Variants in NCALD observed in about 807,000 individuals in gnomAD.
NCALD encodes neurocalcin-delta.
A neutral mutation model predicts 18.6 loss-of-function variants in NCALD; 10 were observed. The observed-to-expected ratio is 0.54, with a 90% CI of 0.33 to 0.91. NCALD has a LOEUF of 0.91. NCALD is among the 40% of genes least tolerant of loss of function. The probability of loss-of-function intolerance (pLI) is 0.03; values close to 1 mark genes in which losing one functional copy is unlikely to be tolerated. For missense variants in NCALD, 184 were observed against 247.6 expected (o/e 0.74, Z 1.72); for synonymous variants, 88 against 87.4 (o/e 1.01, Z -0.04).
At chr8:102,120,706 G>T (rs1017775687) in intron 1 of NCALD, among the ~76,000 whole-genome samples, 1 of 152,168 alleles carries the variant, frequency 6.6e-6, no homozygotes, top group Admixed American at 6.5e-5. Context: ...GAATGTTGGG[G>T]TTCCTGACAC....
chr8:101,818,736 C>T (rs1024693723), intron 4 of NCALD, among the ~76,000 whole-genome samples: 2 of 152,026 alleles, frequency 1.3e-5, no homozygotes, highest in African/African-American at 4.8e-5. Flanking sequence ...CCAGACGCAG[C>T]GGCTCATGCC....
At chr8:101,904,875 T>A (rs2131581193) in intron 3 of NCALD, among the ~76,000 whole-genome samples, 1 of 152,274 alleles carries the variant, frequency 6.6e-6, no homozygotes, top group Non-Finnish European at 1.5e-5. Context: ...AACATCCTGG[T>A]GCTCCTGGGA....
At chr8:102,074,993 C>T (rs1587024226) in intron 1 of NCALD, among the ~76,000 whole-genome samples, 1 of 152,128 alleles carries the variant, frequency 6.6e-6, no homozygotes, top group East Asian at 1.9e-4. Flanking sequence ...CACCTCCATG[C>T]ATCACAGCTG....
chr8:102,038,680 T>G (rs1044659620), intron 1 of NCALD, among the ~76,000 whole-genome samples: 9 of 152,176 alleles, frequency 5.9e-5, no homozygotes, highest in Non-Finnish European at 2.9e-5. Context: ...CAATTCACTT[T>G]AGCCATGTGG....
At chr8:101,760,049 T>G (rs914856723) in intron 1 of NCALD, among the ~76,000 whole-genome samples, 1 of 152,104 alleles carries the variant, frequency 6.6e-6, no homozygotes, top group Non-Finnish European at 1.5e-5. Flanking sequence ...TGACCCAAGG[T>G]TATGGCTCCA....
chr8:102,060,684 A>C (rs1563583520), intron 1 of NCALD, among the ~76,000 whole-genome samples: 1 of 152,120 alleles, frequency 6.6e-6, no homozygotes, highest in Non-Finnish European at 1.5e-5. Context: ...AAGTACGGAA[A>C]ATTCAACAGA....
chr8:102,098,968 G>A (rs973973120), intron 1 of NCALD, among the ~76,000 whole-genome samples: 1 of 152,192 alleles, frequency 6.6e-6, no homozygotes, highest in African/African-American at 2.4e-5. Context: ...CTTGTTAATT[G>A]TGAGGGTGTT....
chr8:101,844,365 T>C (rs894958326), intron 4 of NCALD, among the ~76,000 whole-genome samples: 7 of 152,002 alleles, frequency 4.6e-5, no homozygotes, highest in African/African-American at 1.7e-4. Flanking sequence ...AATTCTTTTT[T>C]TTTTTTTTCT....
chr8:102,007,867 T>C (rs1821766252), intron 2 of NCALD, among the ~76,000 whole-genome samples: 1 of 152,194 alleles, frequency 6.6e-6, no homozygotes, highest in Non-Finnish European at 1.5e-5. Context: ...ATTTTCATGG[T>C]GGGTGTTCTG....
At chr8:101,747,535 G>A (rs1184989794) in intron 1 of NCALD, among the ~76,000 whole-genome samples, 1 of 152,120 alleles carries the variant, frequency 6.6e-6, no homozygotes, top group Non-Finnish European at 1.5e-5. Context: ...ACTTTCAGTA[G>A]TGTGAGATAG....
At chr8:101,846,257 C>G (rs1814864478) in intron 4 of NCALD, among the ~76,000 whole-genome samples, 1 of 152,050 alleles carries the variant, frequency 6.6e-6, no homozygotes, top group African/African-American at 2.4e-5. Flanking sequence ...ATACTTTTTT[C>G]CGTAATGGGT....
chr8:101,922,803 A>G (rs1818212478), intron 2 of NCALD, among the ~76,000 whole-genome samples: 1 of 152,222 alleles, frequency 6.6e-6, no homozygotes. Context: ...TTCTATACAT[A>G]CATACCTATG....
At chr8:101,985,154 G>A (rs12676770) in intron 2 of NCALD, among the ~76,000 whole-genome samples, 1,570 of 152,304 alleles carry the variant, frequency 0.01, 72 homozygotes, top group East Asian at 0.095. Flanking sequence ...CTGCGTGGAA[G>A]CCAACAAGCC....
rs201729096 is a variant in NCALD at position 101,712,587 on chromosome 8, C to CAAAAAAAA, written c.378+6657_378+6664dup. ...GAAGATTTACCAAACAAATGGAAAG[C>CAAAAAAAA]AAAAAAAAAAAAAAAAAAAAAAAAT... On this transcript the variant is annotated intron_variant, in intron 2 of 3. Coordinates refer to ENST00000220931, the MANE Select transcript of NCALD (RefSeq NM_032041.3). Among the ~76,000 whole-genome samples the CAAAAAAAA allele has an allele frequency of 6.6e-4, 52 of 78,858 alleles. 1 individual carries two copies. Among genetic ancestry groups the CAAAAAAAA allele is most frequent in the East Asian group, 4.0e-3 (10 of 2,482 alleles). 51.7% of individuals were successfully genotyped at this position (78,858 alleles called of 152,430 possible).
At chr8:101,792,203 G>T (rs1235477933), upstream of NCALD, among the ~76,000 whole-genome samples, 4 of 152,138 alleles carry the variant, frequency 2.6e-5, no homozygotes, top group Non-Finnish European at 5.9e-5. Context: ...AAAAAGAGTA[G>T]CTCTGGGGTG....
At chr8:101,864,535 G>GACA (rs2131378471) in intron 4 of NCALD, among the ~76,000 whole-genome samples, 1 of 151,006 alleles carries the variant, frequency 6.6e-6, no homozygotes, top group South Asian at 2.1e-4. Context: ...ATAAAGACTC[G>GACA]ACAAGAAAAG....
chr8:101,965,607 C>A (rs181535049), intron 2 of NCALD, among the ~76,000 whole-genome samples: 1 of 151,948 alleles, frequency 6.6e-6, no homozygotes. Flanking sequence ...CACACCAGGA[C>A]CTGTTGTGGG....
chr8:101,910,328 G>A (rs1435280907), intron 3 of NCALD, among the ~76,000 whole-genome samples: 1 of 139,118 alleles, frequency 7.2e-6, no homozygotes, highest in East Asian at 1.9e-4. Context: ...CGACATGAGA[G>A]GAGGAGGTAT....
chr8:101,923,625 C>T (rs1294467188), intron 2 of NCALD, among the ~76,000 whole-genome samples: 1 of 152,176 alleles, frequency 6.6e-6, no homozygotes, highest in African/African-American at 2.4e-5. Flanking sequence ...TCTCAGTAGC[C>T]TGGAGAGAAT....
Sources: gnomAD v4.1 joint callset for allele counts (sites outside exome capture counted in the v4.1 genomes callset) on GRCh38, gnomAD v4.1.1 for gene constraint, MANE v1.5 for transcripts, NCBI Gene and HGNC (gene_info 2026-07-23, HGNC 2026-07-21) for gene names.